FMN2: variants seen among roughly 807,000 people sequenced by gnomAD.
FMN2 encodes the protein formin-2.
Under a neutral mutation model 142.3 loss-of-function variants are expected in FMN2, and 51 were observed. The ratio of observed to expected loss-of-function variants is 0.36; its 90% confidence interval spans 0.29 to 0.45. The LOEUF (loss-of-function observed/expected upper bound fraction) is 0.45, where lower values mean the gene tolerates loss of function less well. Among genes scored for constraint, FMN2 ranks in the 20% least tolerant of loss-of-function variants. The pLI is 1.00. For missense variants in FMN2, 1,936 were observed against 2,122.8 expected, an observed-to-expected ratio of 0.91 and a Z score of 1.73; for synonymous variants, 882 against 869.8, an observed-to-expected ratio of 1.01 and a Z score of -0.25.
chr1:240,458,657 G>A (rs1676333960), intron 16 of FMN2: 1 of 152,094 alleles, frequency 6.6e-6, no homozygotes, highest in Admixed American at 6.6e-5. Context: ...TAACACAGGT[G>A]GAAATAGTAA....
chr1:240,257,627 T>C, intron 6 of FMN2, among the ~76,000 whole-genome samples: 1 of 152,140 alleles, frequency 6.6e-6, no homozygotes, highest in East Asian at 1.9e-4. Flanking sequence ...TAATTGTGAT[T>C]TTACAGAGAC....
intron 8 of FMN2, among the ~76,000 whole-genome samples, chr1:240,296,211 TTA>T (rs1306175173): frequency 1.0e-5 from 1 of 96,570 alleles, no homozygotes; most frequent in Non-Finnish European, 2.2e-5. Context: ...TTTTTTTTTT[TTA>T]ACAAAGGTGG....
Position 240,474,186 on chromosome 1 carries a change from G to T in FMN2, c.*32G>T. The T allele has an allele frequency of 6.5e-7, 1 of 1,533,804 alleles. No individual in the cohort carries two copies. Among genetic ancestry groups the T allele is most frequent in the South Asian group, 1.3e-5 (1 of 78,064 alleles). On this transcript the variant is annotated 3_prime_UTR_variant, in exon 18 of 18. Transcript: ENST00000319653. Reference sequence around the variant, plus strand: ...AAAAGCAGAATGAAAATGAGTCATTGCAACGACTTTCACAAAATTCAGCTG... The same window carrying T: ...AAAAGCAGAATGAAAATGAGTCATTTCAACGACTTTCACAAAATTCAGCTG...
At chr1:240,281,914 T>C (rs1206827109) in intron 7 of FMN2, among the ~76,000 whole-genome samples, 1 of 152,224 alleles carries the variant, frequency 6.6e-6, no homozygotes, top group East Asian at 1.9e-4. Flanking sequence ...CCCAGTTGTA[T>C]ATAGATGCGT....
chr1:240,188,808 C>T (rs1426483151), intron 4 of FMN2, among the ~76,000 whole-genome samples: 1 of 152,164 alleles, frequency 6.6e-6, no homozygotes, highest in Non-Finnish European at 1.5e-5. Context: ...GCTTATTGGA[C>T]TTACACTTCC....
At chr1:240,376,805 T>G (rs911268205) in intron 14 of FMN2, among the ~76,000 whole-genome samples, 9 of 152,148 alleles carry the variant, frequency 5.9e-5, no homozygotes, top group African/African-American at 2.2e-4. Context: ...TTCATCTTAT[T>G]TCCACCATTG....
chr1:240,157,103 C>T (rs908867082), intron 2 of FMN2, among the ~76,000 whole-genome samples: 2 of 152,076 alleles, frequency 1.3e-5, no homozygotes, highest in African/African-American at 4.8e-5. Context: ...AAAAGTCTAC[C>T]GCACAGCTTA....
intron 15 of FMN2, among the ~76,000 whole-genome samples, chr1:240,404,837 T>C (rs1674096061): frequency 6.6e-6 from 1 of 152,060 alleles, no homozygotes; most frequent in Non-Finnish European, 1.5e-5. Flanking sequence ...CTCCTGAAGT[T>C]TGTTTGTTAG....
rs556962170 is a variant in FMN2 at position 240,276,980 on chromosome 1, G to A, written c.4154-17842G>A. Among the ~76,000 whole-genome samples, 64 of 152,274 alleles carry A rather than the reference G, an allele frequency of 4.2e-4. 1 individual carries two copies. Among genetic ancestry groups the A allele is most frequent in the African/African-American group, 1.3e-3 (53 of 41,548 alleles). Reference sequence around the variant, plus strand: ...CCAAGTTGTTTTAAATCAGGAAGTTGTTTTAAAATCAGGCTGTGTGTTTGT... The same window carrying A: ...CCAAGTTGTTTTAAATCAGGAAGTTATTTTAAAATCAGGCTGTGTGTTTGT... On this transcript the variant is annotated intron_variant, in intron 7 of 17. Transcript: ENST00000319653.
At chr1:240,293,492 T>C (rs367974082) in intron 7 of FMN2, among the ~76,000 whole-genome samples, 7 of 152,190 alleles carry the variant, frequency 4.6e-5, no homozygotes, top group African/African-American at 1.4e-4. Flanking sequence ...TGTTTTTACT[T>C]GGGTTTTGTG....
intron 8 of FMN2, among the ~76,000 whole-genome samples, chr1:240,303,734 T>A (rs529784865): frequency 6.6e-6 from 1 of 152,276 alleles, no homozygotes; most frequent in Non-Finnish European, 1.5e-5. Flanking sequence ...CAGCCATTAT[T>A]TTTTAAAAAT....
rs958029608 is a variant in FMN2, at chr1:240,135,742, C to T, written c.1782+12397C>T. On this transcript the variant is annotated intron_variant, in intron 2 of 17. Transcript: ENST00000319653. ...GTCACCCAGTTGGAGTGCAGTGGTG[C>T]GATCTCGGCTCACTGCAGCCTCCGC... 6.7e-5 allele frequency among the ~76,000 whole-genome samples: 10 copies of T among 149,328 alleles called. No homozygotes were observed. In the East Asian group the frequency reaches 1.4e-3, roughly 21 times the overall value.
At chr1:240,411,879 G>A (rs1674405963) in intron 15 of FMN2, among the ~76,000 whole-genome samples, 1 of 152,152 alleles carries the variant, frequency 6.6e-6, no homozygotes, top group South Asian at 2.1e-4. Flanking sequence ...TAATAAGCCA[G>A]CCGTGTAGAA....
chr1:240,103,410 C>T (rs960409813), intron 1 of FMN2, among the ~76,000 whole-genome samples: 1 of 152,196 alleles, frequency 6.6e-6, no homozygotes, highest in Non-Finnish European at 1.5e-5. Flanking sequence ...GGACCTCAGA[C>T]ATATCTCACT....
intron 6 of FMN2, among the ~76,000 whole-genome samples, chr1:240,241,039 G>A (rs149507091): frequency 0.016 from 2,394 of 152,208 alleles, 58 homozygotes; most frequent in African/African-American, 0.054. Context: ...AATTAGAAAG[G>A]CATTTTGTTT....
At chr1:240,119,775 C>T (rs749781322) in intron 1 of FMN2, among the ~76,000 whole-genome samples, 9 of 152,182 alleles carry the variant, frequency 5.9e-5, no homozygotes, top group Non-Finnish European at 8.8e-5. Context: ...TAATTTTTGG[C>T]TGGATGTGCA....
chr1:240,439,639 CT>C, intron 16 of FMN2, among the ~76,000 whole-genome samples: 1 of 152,164 alleles, frequency 6.6e-6, no homozygotes, highest in Non-Finnish European at 1.5e-5. Flanking sequence ...GCTTATTCTG[CT>C]TCCAAATGCA....
At chr1:240,119,307 C>T (rs1466139261) in intron 1 of FMN2, among the ~76,000 whole-genome samples, 29 of 147,170 alleles carry the variant, frequency 2.0e-4, no homozygotes, top group African/African-American at 6.1e-4. Flanking sequence ...CCAGCCTAGG[C>T]GACAGGGCGA....
chr1:240,121,075 C>T (rs1219221770), intron 1 of FMN2, among the ~76,000 whole-genome samples: 1 of 152,016 alleles, frequency 6.6e-6, no homozygotes, highest in Non-Finnish European at 1.5e-5. Flanking sequence ...GCAGGAGAAT[C>T]GCTTGAACCC....
Sources: gnomAD v4.1 joint callset for allele counts (sites outside exome capture counted in the v4.1 genomes callset) on GRCh38, gnomAD v4.1.1 for gene constraint, MANE v1.5 for transcripts, NCBI Gene and HGNC (gene_info 2026-07-23, HGNC 2026-07-21) for gene names.